The following ATG7 variants were observed in gnomAD, a reference collection of about 807,000 sequenced individuals.
The protein encoded by ATG7 is ubiquitin-like modifier-activating enzyme ATG7.
ATG7 carries 70 observed loss-of-function variants against 82.4 expected under a neutral mutation model. That is an observed-to-expected ratio of 0.85 (90% confidence interval 0.70 to 1.04). ATG7 has a LOEUF of 1.04. Among genes scored for constraint, ATG7 ranks in the 50% least tolerant of loss-of-function variants. The pLI is 0.00. For missense variants in ATG7, 792 were observed against 864.3 expected (o/e 0.92, Z 1.05); for synonymous variants, 287 against 313.0 (o/e 0.92, Z 0.88).
the ATG7 span, chr3:11,564,688 A>ACCGC: frequency 2.3e-6 from 3 of 1,328,016 alleles, no homozygotes; most frequent in Admixed American, 2.2e-5. Flanking sequence ...CTCCCTCACC[A>ACCGC]CCTCCCTCCC....
At chr3:11,479,563 C>A (rs1050437753) in intron 20 of ATG7, among the ~76,000 whole-genome samples, 7 of 152,102 alleles carry the variant, frequency 4.6e-5, no homozygotes, top group African/African-American at 1.4e-4. Context: ...AATCACCCTC[C>A]CAGCCTCAGA....
intron 9 of ATG7, among the ~76,000 whole-genome samples, chr3:11,317,655 C>T (rs1056818247): frequency 3.4e-5 from 5 of 148,362 alleles, no homozygotes; most frequent in Non-Finnish European, 7.4e-5. Context: ...TACAGTGGCA[C>T]GATCTCGGCT....
At chr3:11,477,232 C>G (rs1248141335) in intron 20 of ATG7, 4 of 1,282,390 alleles carry the variant, frequency 3.1e-6, no homozygotes, top group Non-Finnish European at 4.1e-6. Flanking sequence ...TCTTTTATTC[C>G]TCGCCCATCT....
intron 20 of ATG7, among the ~76,000 whole-genome samples, chr3:11,513,104 A>C (rs1163788015): frequency 6.6e-6 from 1 of 152,194 alleles, no homozygotes; most frequent in Non-Finnish European, 1.5e-5. Flanking sequence ...CAGAGTGCCG[A>C]TTGGTGTATT....
At chr3:11,528,405 T>G (rs1421220690) in intron 20 of ATG7, among the ~76,000 whole-genome samples, 1 of 152,150 alleles carries the variant, frequency 6.6e-6, no homozygotes, top group Admixed American at 6.5e-5. Flanking sequence ...GGAAGTCAGA[T>G]GGTCACGTAC....
intron 20 of ATG7, among the ~76,000 whole-genome samples, chr3:11,524,956 C>G (rs2092538063): frequency 6.6e-6 from 1 of 152,170 alleles, no homozygotes; most frequent in Admixed American, 6.5e-5. Context: ...CTCGTATATT[C>G]TATATTTTCC....
chr3:11,385,401 T>C (rs1005526984), intron 19 of ATG7, among the ~76,000 whole-genome samples: 9 of 152,210 alleles, frequency 5.9e-5, no homozygotes, highest in Admixed American at 5.9e-4. Context: ...AATGCACCAC[T>C]TAGAAAGGCA....
chr3:11,350,661 C>T (rs2152795085), intron 14 of ATG7, among the ~76,000 whole-genome samples: 1 of 152,236 alleles, frequency 6.6e-6, no homozygotes, highest in East Asian at 1.9e-4. Flanking sequence ...CAAAGCGAGT[C>T]ACAGGACCAA....
At chr3:11,374,164 G>T (rs1046431114) in intron 18 of ATG7, among the ~76,000 whole-genome samples, 1 of 152,146 alleles carries the variant, frequency 6.6e-6, no homozygotes, top group African/African-American at 2.4e-5. Flanking sequence ...GATCCTGGAC[G>T]TGAAGAACAA....
chr3:11,362,867 G>T lies in ATG7; in HGVS notation c.1738G>T (p.Ala580Ser), dbSNP rs867567949. 2.5e-6 allele frequency: 4 copies of T among 1,613,976 alleles called. No individual in the cohort carries two copies. Among genetic ancestry groups the T allele is most frequent in the Non-Finnish European group, 3.4e-6 (4 of 1,179,980 alleles). ...QQCTVSRPGL[A>S]VIAGALAVEL... ...GTGCACTGTGAGTCGTCCAGGACTG[G>T]CCGTGATTGCAGGAGCCCTGGCCGT... is the stretch of plus-strand genomic sequence containing the variant. Residue 580 changes from alanine (A) to serine (S), a missense_variant, in exon 17 of 21, where the codon GCC becomes TCC. Transcript: ENST00000693202.
At chr3:11,511,652 G>A (rs1295232931) in intron 20 of ATG7, among the ~76,000 whole-genome samples, 1 of 152,214 alleles carries the variant, frequency 6.6e-6, no homozygotes, top group African/African-American at 2.4e-5. Context: ...AGGGGGTGGT[G>A]CTCGTCGGGG....
At chr3:11,404,010 TCTC>T (rs1251893481) in intron 19 of ATG7, among the ~76,000 whole-genome samples, 1 of 151,926 alleles carries the variant, frequency 6.6e-6, no homozygotes, top group Non-Finnish European at 1.5e-5. Flanking sequence ...TTAAAAGAAA[TCTC>T]CCCCCCAGAT....
chr3:11,533,520 A>C (rs2092730730), intron 20 of ATG7, among the ~76,000 whole-genome samples: 1 of 144,376 alleles, frequency 6.9e-6, no homozygotes, highest in Non-Finnish European at 1.5e-5. Context: ...GGGACCACAG[A>C]GAAAAATCCC....
At chr3:11,507,739 C>T (rs1458528628) in intron 20 of ATG7, among the ~76,000 whole-genome samples, 2 of 152,044 alleles carry the variant, frequency 1.3e-5, no homozygotes, top group Non-Finnish European at 2.9e-5. Context: ...AGAAGCCCTG[C>T]TGGGAATTAT....
intron 19 of ATG7, among the ~76,000 whole-genome samples, chr3:11,391,956 AT>A (rs932453142): frequency 3.1e-4 from 22 of 72,020 alleles, no homozygotes; most frequent in Non-Finnish European, 3.7e-4. Flanking sequence ...CATTGTACTT[AT>A]TGGGGGGGGG....
chr3:11,544,627 A>G (rs888767784), intron 20 of ATG7, among the ~76,000 whole-genome samples: 2 of 151,946 alleles, frequency 1.3e-5, no homozygotes, highest in African/African-American at 4.8e-5. Flanking sequence ...GCCCCCGCCC[A>G]CCCCTGTCCT....
intron 20 of ATG7, among the ~76,000 whole-genome samples, chr3:11,479,813 C>A (rs910987340): frequency 6.6e-6 from 1 of 152,188 alleles, no homozygotes; most frequent in Non-Finnish European, 1.5e-5. Context: ...ACCAAATTGC[C>A]TGTATCTCTC....
At chr3:11,376,632 A>T (rs1187002793) in intron 18 of ATG7, among the ~76,000 whole-genome samples, 1 of 152,178 alleles carries the variant, frequency 6.6e-6, no homozygotes, top group African/African-American at 2.4e-5. Flanking sequence ...AGTTGTACAG[A>T]GTCTGTAAAA....
chr3:11,399,002 G>A (rs1312775324), intron 19 of ATG7, among the ~76,000 whole-genome samples: 2 of 152,326 alleles, frequency 1.3e-5, no homozygotes, highest in Admixed American at 1.3e-4. Context: ...TAAACCTATG[G>A]TGAGGCTGAG....
Sources: allele counts gnomAD v4.1 joint callset (sites outside exome capture counted in the v4.1 genomes callset), GRCh38; gene constraint gnomAD v4.1.1; transcripts MANE v1.5; gene names NCBI Gene and HGNC (gene_info 2026-07-23, HGNC 2026-07-21).